ZNF428: variants seen among roughly 807,000 people sequenced by gnomAD.
ZNF428 encodes the protein zinc finger protein 428.
In ZNF428, 5 loss-of-function variants were observed where a neutral mutation model predicts 15.6. The observed-to-expected ratio is 0.32, with a 90% CI of 0.17 to 0.67. The LOEUF (loss-of-function observed/expected upper bound fraction) is 0.67. ZNF428 is among the 30% of genes least tolerant of loss of function. The pLI, the probability that ZNF428 is intolerant of heterozygous loss-of-function variation, is 0.73. For missense variants in ZNF428, 237 were observed against 256.0 expected (o/e 0.93, Z 0.51); for synonymous variants, 97 against 102.2 (o/e 0.95, Z 0.31).
In ZNF428 at chr19:43,612,547, T is replaced by C. The variant is rs956916458; in HGVS notation, c.76+1682A>G. 1 of 1,551,312 alleles carries C rather than the reference T, an allele frequency of 6.4e-7. No individual in the cohort carries two copies. On this transcript the variant is annotated intron_variant, in intron 2 of 2. Coordinates refer to ENST00000300811, the MANE Select transcript of ZNF428 (RefSeq NM_182498.4). The surrounding 1 kb of genome is among the most constrained non-coding windows in gnomAD (Gnocchi z 4.2). ...GGTCACCCAGCAGGGCCAGCACTCC[T>C]GGCAGGATAAGAACTCATGGTGCCA...
intron 1 of ZNF428, among the ~76,000 whole-genome samples, chr19:43,615,737 GA>G (rs1050493891): frequency 6.0e-4 from 91 of 152,178 alleles, no homozygotes; most frequent in African/African-American, 2.1e-3. Context: ...AGAACTCAAG[GA>G]AATGCTTACT....
At position 43,614,434 on chromosome 19, in the gene ZNF428, G is replaced by A; in HGVS notation, c.-130C>T. The A allele has an allele frequency of 6.9e-7, 1 of 1,451,072 alleles. No homozygotes were observed. The highest frequency in any genetic ancestry group is 1.5e-5 in the South Asian group (1 of 68,296). 89.9% of individuals were successfully genotyped at this position (1,451,072 alleles called of 1,614,324 possible). On this transcript the variant is annotated splice_region_variant and 5_prime_UTR_variant, in exon 2 of 3. Transcript: ENST00000300811. ...AGGATGTTGGCAGGTAGAGAGGGAT[G>A]CTGGATAGGGGGAAAGGAAAGACCT...
rs538676286 is a variant in ZNF428 at position 43,612,192 on chromosome 19, C to T, written c.76+2037G>A. On this transcript the variant is annotated intron_variant, in intron 2 of 2. Coordinates refer to ENST00000300811, the MANE Select transcript of ZNF428 (RefSeq NM_182498.4). The surrounding 1 kb of genome is among the most constrained non-coding windows in gnomAD (Gnocchi z 4.2). ...CCCAGTGGATCCTCCATGCCCACTG[C>T]GGATCCCAAGCCTCCTGCCTCCTTG... is the stretch of plus-strand genomic sequence containing the variant. 110 of 1,551,686 alleles carry T rather than the reference C, an allele frequency of 7.1e-5. No homozygotes were observed. In the Admixed American group the frequency reaches 1.1e-3, roughly 15 times the overall value.
rs576765471 is a variant in ZNF428, at chr19:43,607,444, C to G, written c.*173G>C. On this transcript the variant is annotated 3_prime_UTR_variant, in exon 3 of 3. Coordinates refer to ENST00000300811, the MANE Select transcript of ZNF428 (RefSeq NM_182498.4). The surrounding 1 kb of genome is among the most constrained non-coding windows in gnomAD (Gnocchi z 5.1). The stretch of plus-strand genomic sequence containing the variant: ...ACACACACACACACACACTCTGAAC[C>G]AACACACACAGATACAGATTTTGGC... The G allele has an allele frequency of 1.3e-6, 1 of 776,178 alleles. No homozygotes were observed. Among genetic ancestry groups the G allele is most frequent in the African/African-American group, 1.8e-5 (1 of 56,732 alleles). The allele number at this position is 776,178 out of a possible 1,614,324, so 48.1% of individuals were successfully genotyped here.
At chr19:43,616,560 T>C (rs1407042465) in intron 1 of ZNF428, among the ~76,000 whole-genome samples, 11 of 152,174 alleles carry the variant, frequency 7.2e-5, no homozygotes, top group Admixed American at 7.2e-4. Context: ...TGAACTAGGA[T>C]TGGAAGCCAG....
intron 2 of ZNF428, among the ~76,000 whole-genome samples, chr19:43,609,742 CAA>C (rs113961553): frequency 1.5e-5 from 2 of 129,948 alleles, no homozygotes; most frequent in Non-Finnish European, 1.7e-5. Flanking sequence ...ACTCCGTTCC[CAA>C]AAAAAAAAAA....
chr19:43,614,128 C>A (rs1414354642), intron 2 of ZNF428, 101 bp downstream of exon 2: 2 of 1,608,092 alleles, frequency 1.2e-6, no homozygotes, highest in Admixed American at 3.4e-5. Flanking sequence ...GAACCCCTAG[C>A]AAGACAAGCA....
In ZNF428 at chr19:43,607,540, C is replaced by T. The variant is rs759253347; in HGVS notation, c.*77G>A. The T allele has an allele frequency of 2.0e-6, 3 of 1,495,286 alleles. No homozygotes were observed. The highest frequency in any genetic ancestry group is 2.7e-6 in the Non-Finnish European group (3 of 1,120,994). The allele number at this position is 1,495,286 out of a possible 1,614,324, so 92.6% of individuals were successfully genotyped here. On this transcript the variant is annotated 3_prime_UTR_variant, in exon 3 of 3. Coordinates refer to ENST00000300811, the MANE Select transcript of ZNF428 (RefSeq NM_182498.4). The surrounding 1 kb of genome is among the most constrained non-coding windows in gnomAD (Gnocchi z 5.1). The stretch of plus-strand genomic sequence containing the variant: ...GGCAGTACCCCATCCCCCATGACCA[C>T]TGTCACAACCCCAATTTCCTCAGCC...
chr19:43,613,975 C>T, intron 2 of ZNF428: 2 of 1,551,612 alleles, frequency 1.3e-6, no homozygotes, highest in Non-Finnish European at 1.7e-6. Context: ...AAGCTCATAG[C>T]CGATCTAGAA....
chr19:43,611,381 G>A (rs547252299), intron 2 of ZNF428, among the ~76,000 whole-genome samples: 25 of 151,744 alleles, frequency 1.6e-4, no homozygotes, highest in Non-Finnish European at 2.9e-4. Context: ...GTGCAATGGC[G>A]TGATCTTGGC....
At chr19:43,619,273 A>G (rs1005273573) in intron 1 of ZNF428, among the ~76,000 whole-genome samples, 4 of 151,950 alleles carry the variant, frequency 2.6e-5, no homozygotes, top group Admixed American at 2.6e-4. Context: ...CAGGTGTGGG[A>G]TAAAAGGAAC....
Position 43,614,057 on chromosome 19 carries a change from G to A in ZNF428, c.76+172C>T, listed in dbSNP as rs775980084. The A allele has an allele frequency of 2.9e-5, 45 of 1,553,192 alleles. No individual in the cohort carries two copies. The highest frequency in any genetic ancestry group is 3.8e-5 in the Non-Finnish European group (44 of 1,147,926). Reference sequence around the variant, plus strand: ...GGAGAGCGACCCCAGTCAATCTACAGTCCCCAGAAGTCCCGACTGGAAGAG... The same window carrying A: ...GGAGAGCGACCCCAGTCAATCTACAATCCCCAGAAGTCCCGACTGGAAGAG... On this transcript the variant is annotated intron_variant, in intron 2 of 2. Transcript: ENST00000300811.
chr19:43,609,727 G>A (rs1247942949), intron 2 of ZNF428, among the ~76,000 whole-genome samples: 1 of 151,070 alleles, frequency 6.6e-6, no homozygotes, highest in African/African-American at 2.4e-5. Context: ...GGGTGACAGA[G>A]CAAGACTCCG....
rs1973353452 is a variant in ZNF428, at chr19:43,614,572, G to T, written c.-130-138C>A. The T allele has an allele frequency of 4.4e-6, 3 of 681,576 alleles. No individual in the cohort carries two copies. In the East Asian group the frequency reaches 1.1e-4, roughly 24 times the overall value. 42.2% of individuals were successfully genotyped at this position (681,576 alleles called of 1,614,324 possible). A position where few individuals can be genotyped will look rare whatever the true frequency, so the allele number is the denominator to read the frequency against. On this transcript the variant is annotated intron_variant, in intron 1 of 2. Coordinates refer to ENST00000300811, the MANE Select transcript of ZNF428 (RefSeq NM_182498.4). ...AGCTCTGTCCCTGACTGTCTACAGG[G>T]TCTTGACTGCAAGCCCTGCCCCTCT...
intron 2 of ZNF428, among the ~76,000 whole-genome samples, chr19:43,610,081 G>T (rs1973279436): frequency 6.6e-6 from 1 of 151,886 alleles, no homozygotes; most frequent in African/African-American, 2.4e-5. Context: ...CTGCCTCAGG[G>T]TCTTTGCCAC....
chr19:43,613,628 C>T (rs752453564), intron 2 of ZNF428: 1 of 1,548,520 alleles, frequency 6.5e-7, no homozygotes, highest in Non-Finnish European at 8.7e-7. Context: ...ATCTAGAAGC[C>T]CCAGCAAGGA....
intron 2 of ZNF428, among the ~76,000 whole-genome samples, chr19:43,608,785 G>A (rs1353559017): frequency 2.0e-4 from 31 of 151,672 alleles, no homozygotes; most frequent in African/African-American, 7.5e-4. Flanking sequence ...AAAATTAGCT[G>A]GGTGTGGTGG....
Position 43,607,722 on chromosome 19 carries a change from TTCCTCCTCC to T in ZNF428, c.453_461del (p.Glu156_Glu158del). 1 of 1,613,148 alleles carries T rather than the reference TTCCTCCTCC, an allele frequency of 6.2e-7. No individual in the cohort carries two copies. ...AGTGGTAGGTTCCCTCCTCCTCCTC[TTCCTCCTCC>T]TCCTCCCGCCCAGCTGGTCGGCCCT... On this transcript the variant is annotated inframe_deletion, in exon 3 of 3. Coordinates refer to ENST00000300811, the MANE Select transcript of ZNF428 (RefSeq NM_182498.4). This position sits in a 1 kb window ranked among gnomAD's most constrained non-coding sequence, Gnocchi z 5.1.
At position 43,612,170 on chromosome 19, in the gene ZNF428, A is replaced by C; in HGVS notation, c.76+2059T>G. ...AAAGCCCAGTATGTCTCTGGCACCC[A>C]GTGGATCCTCCATGCCCACTGCGGA... is the stretch of plus-strand genomic sequence containing the variant. On this transcript the variant is annotated intron_variant, in intron 2 of 2. Transcript: ENST00000300811. The surrounding 1 kb of genome is among the most constrained non-coding windows in gnomAD (Gnocchi z 4.2). The C allele has an allele frequency of 6.4e-7, 1 of 1,551,718 alleles. No homozygotes were observed. The highest frequency in any genetic ancestry group is 2.4e-5 in the East Asian group (1 of 40,918).
Sources: gnomAD v4.1 joint callset for allele counts (sites outside exome capture counted in the v4.1 genomes callset) on GRCh38, gnomAD v4.1.1 for gene constraint, Gnocchi (gnomAD v3.1) non-coding constraint, MANE v1.5 for transcripts, NCBI Gene and HGNC (gene_info 2026-07-23, HGNC 2026-07-21) for gene names.